The following PPP2R2D variants were observed in gnomAD, a reference collection of about 807,000 sequenced individuals.
PPP2R2D encodes the protein protein phosphatase 2 regulatory subunit Bdelta.
Under a neutral mutation model 31.1 loss-of-function variants are expected in PPP2R2D, and 9 were observed. The observed-to-expected ratio is 0.29, with a 90% CI of 0.17 to 0.51. The LOEUF is 0.51. Ranked by LOEUF, PPP2R2D falls within the 20% of genes least tolerant of loss-of-function variation. The probability of loss-of-function intolerance (pLI) is 0.98; values close to 1 mark genes in which losing one functional copy is unlikely to be tolerated. For missense variants in PPP2R2D, 391 were observed against 465.6 expected (o/e 0.84, Z 1.48); for synonymous variants, 179 against 172.6 (o/e 1.04, Z -0.29).
intron 2 of PPP2R2D, among the ~76,000 whole-genome samples, chr10:131,926,926 C>G (rs2036118046): frequency 6.6e-6 from 1 of 152,194 alleles, no homozygotes; most frequent in South Asian, 2.1e-4. Context: ...AATGGGTGAA[C>G]TTGCCGAGTC....
chr10:131,928,804 C>T (rs1191889124), intron 2 of PPP2R2D, among the ~76,000 whole-genome samples: 2 of 152,166 alleles, frequency 1.3e-5, no homozygotes, highest in Admixed American at 1.3e-4. Flanking sequence ...AGGATATGAG[C>T]CATGCAGCCA....
At chr10:131,929,184 G>A (rs1333914133) in intron 2 of PPP2R2D, among the ~76,000 whole-genome samples, 1 of 152,156 alleles carries the variant, frequency 6.6e-6, no homozygotes, top group Admixed American at 6.5e-5. Context: ...TGTGCTTCCC[G>A]CAGAGTGGCC....
rs554205341 is a variant in PPP2R2D, at chr10:131,947,358, G to A, written c.821-172G>A. Among the ~76,000 whole-genome samples the A allele has an allele frequency of 5.9e-5, 9 of 152,270 alleles. No homozygotes were observed. Among genetic ancestry groups the A allele is most frequent in the African/African-American group, 1.7e-4 (7 of 41,538 alleles). ...TGTCTTATCCGAAGCTCTTGCCCAC[G>A]GAAGTCACAGAAGATCAGAAAACCT... On this transcript the variant is annotated intron_variant, in intron 7 of 8. Coordinates refer to ENST00000455566, the MANE Select transcript of PPP2R2D (RefSeq NM_018461.5). The surrounding 1 kb of genome is among the most constrained non-coding windows in gnomAD (Gnocchi z 4.3).
At chr10:131,930,750 C>A (rs1419601507) in intron 2 of PPP2R2D, among the ~76,000 whole-genome samples, 1 of 152,180 alleles carries the variant, frequency 6.6e-6, no homozygotes, top group Admixed American at 6.5e-5. Flanking sequence ...CTGCCATCAG[C>A]CATGCGGGGC....
intron 2 of PPP2R2D, among the ~76,000 whole-genome samples, chr10:131,913,579 A>T (rs1288125161): frequency 6.6e-6 from 1 of 152,152 alleles, no homozygotes; most frequent in African/African-American, 2.4e-5. Flanking sequence ...ACAAAAGGCG[A>T]TTGGTGAATT....
intron 3 of PPP2R2D, 30 bp from the exon 4 acceptor site, chr10:131,940,001 C>A: frequency 1.6e-6 from 1 of 642,698 alleles, no homozygotes; most frequent in South Asian, 2.1e-5. Flanking sequence ...GTGCTTTGTT[C>A]ATTAAAACAG....
intron 2 of PPP2R2D, among the ~76,000 whole-genome samples, chr10:131,904,644 T>C (rs1326762488): frequency 6.6e-6 from 1 of 152,242 alleles, no homozygotes; most frequent in Admixed American, 6.5e-5. Context: ...TTGAAGGTTT[T>C]GTTCTGGGCC....
At chr10:131,902,282 G>C (rs2035512548) in intron 2 of PPP2R2D, among the ~76,000 whole-genome samples, 1 of 152,166 alleles carries the variant, frequency 6.6e-6, no homozygotes, top group African/African-American at 2.4e-5. Flanking sequence ...ATTGGTGTTT[G>C]CACCAAATAC....
At chr10:131,962,335 C>A (rs1244223926), downstream of PPP2R2D, among the ~76,000 whole-genome samples, 1 of 152,162 alleles carries the variant, frequency 6.6e-6, no homozygotes, top group Non-Finnish European at 1.5e-5. Flanking sequence ...TCCAGCTCCA[C>A]GCGGTCACCT....
At chr10:131,928,535 C>T (rs1004390529) in intron 2 of PPP2R2D, among the ~76,000 whole-genome samples, 1 of 152,144 alleles carries the variant, frequency 6.6e-6, no homozygotes, top group African/African-American at 2.4e-5. Context: ...AGGGTTTTTT[C>T]AGGCTGGTAA....
In PPP2R2D at chr10:131,936,741, T is replaced by C. The variant is rs1186933580; in HGVS notation, c.198+2186T>C. The stretch of plus-strand genomic sequence containing the variant: ...GTGCTTTTTTAAGATGAAGTTGTTA[T>C]GTGAGTGACAGATTTATACAGGAGC... On this transcript the variant is annotated intron_variant, in intron 3 of 8. Transcript: ENST00000455566. Among the ~76,000 whole-genome samples, 4 of 152,388 alleles carry C rather than the reference T, an allele frequency of 2.6e-5. No individual in the cohort carries two copies. In the South Asian group the frequency reaches 6.2e-4, roughly 24 times the overall value.
intron 2 of PPP2R2D, among the ~76,000 whole-genome samples, chr10:131,920,348 C>A (rs1244325254): frequency 6.9e-6 from 1 of 144,484 alleles, no homozygotes; most frequent in African/African-American, 2.6e-5. Context: ...GTGTAGGGAC[C>A]TCAGGCAGGT....
intron 2 of PPP2R2D, among the ~76,000 whole-genome samples, chr10:131,925,374 A>G (rs2036085727): frequency 6.6e-6 from 1 of 152,200 alleles, no homozygotes; most frequent in Admixed American, 6.5e-5. Context: ...GATTTGTTAA[A>G]TGCTTTATCT....
the PPP2R2D span, among the ~76,000 whole-genome samples, chr10:131,966,147 T>C: frequency 3.3e-5 from 5 of 152,190 alleles, no homozygotes; most frequent in African/African-American, 1.2e-4. Context: ...TGCCGACTCC[T>C]CTCTCTTGCA....
At chr10:131,928,141 C>T (rs1188873402) in intron 2 of PPP2R2D, among the ~76,000 whole-genome samples, 1 of 152,206 alleles carries the variant, frequency 6.6e-6, no homozygotes, top group Non-Finnish European at 1.5e-5. Flanking sequence ...TGTACTGACC[C>T]TTCCCTGACA....
rs2036511979 is a variant in PPP2R2D at position 131,945,152 on chromosome 10, C to T, written c.656-143C>T. On this transcript the variant is annotated intron_variant, in intron 6 of 8. Transcript: ENST00000455566. This position sits in a 1 kb window ranked among gnomAD's most constrained non-coding sequence, Gnocchi z 4.8. ...CCTTACCAGGCGCTCCTTTGGAATT[C>T]GGGATGTGTAACCAGCCTTCTTAAT... The T allele has an allele frequency of 7.5e-6, 7 of 934,958 alleles. No individual in the cohort carries two copies. The highest frequency in any genetic ancestry group is 1.9e-5 in the South Asian group (1 of 52,852). 57.9% of individuals were successfully genotyped at this position (934,958 alleles called of 1,614,324 possible).
In PPP2R2D at chr10:131,945,304, A is replaced by C; in HGVS notation, c.665A>C (p.Asp222Ala). Reference sequence around the variant, plus strand: ...AACCATGCACTCCCAGACATCGTGGACATCAAGCCTGCTAACATGGAGGAG... The same window carrying C: ...AACCATGCACTCCCAGACATCGTGGCCATCAAGCCTGCTAACATGGAGGAG... ...EITDRSFNIVDIKPANMEELT... is the reference protein window; with the variant it reads ...EITDRSFNIVAIKPANMEELT... Residue 222 changes from aspartate (D) to alanine (A), a missense_variant, in exon 7 of 9, where the codon GAC becomes GCC. Asp to Ala is a moderately radical substitution (Grantham distance 126, BLOSUM62 -2). Transcript: ENST00000455566. The surrounding 1 kb of genome is among the most constrained non-coding windows in gnomAD (Gnocchi z 4.8). 6.2e-7 allele frequency: 1 copy of C among 1,613,512 alleles called. No homozygotes were observed. The highest frequency in any genetic ancestry group is 8.5e-7 in the Non-Finnish European group (1 of 1,179,636).
intron 2 of PPP2R2D, among the ~76,000 whole-genome samples, chr10:131,901,713 T>C (rs1455244337): frequency 6.6e-6 from 1 of 152,080 alleles, no homozygotes; most frequent in Non-Finnish European, 1.5e-5. Flanking sequence ...ACGGAGTCCA[T>C]ATCGTGCGCT....
At position 131,956,393 on chromosome 10, in the gene PPP2R2D, C is replaced by T; in HGVS notation, c.*430C>T. ...GCGTGGTGTGGCCACCGTCCGTGTC[C>T]TCTCGGCCTTCCTCCGAGTCCAGGT... is the stretch of plus-strand genomic sequence containing the variant. On this transcript the variant is annotated 3_prime_UTR_variant, in exon 9 of 9. Coordinates refer to ENST00000455566, the MANE Select transcript of PPP2R2D (RefSeq NM_018461.5). 1 of 986,298 alleles carries T rather than the reference C, an allele frequency of 1.0e-6. No individual in the cohort carries two copies. The highest frequency in any genetic ancestry group is 1.2e-6 in the Non-Finnish European group (1 of 830,556). The allele number at this position is 986,298 out of a possible 1,614,324, so 61.1% of individuals were successfully genotyped here.
Sources: gnomAD v4.1 joint callset for allele counts (sites outside exome capture counted in the v4.1 genomes callset) on GRCh38, gnomAD v4.1.1 for gene constraint, Gnocchi (gnomAD v3.1) non-coding constraint, MANE v1.5 for transcripts, NCBI Gene and HGNC (gene_info 2026-07-23, HGNC 2026-07-21) for gene names.